Variants in ATRN observed in about 807,000 individuals in gnomAD.
ATRN encodes attractin-2.
Under a neutral mutation model 178.7 loss-of-function variants are expected in ATRN, and 54 were observed. That is an observed-to-expected ratio of 0.30 (90% confidence interval 0.24 to 0.38). The LOEUF is 0.38. Among genes scored for constraint, ATRN ranks in the 10% least tolerant of loss-of-function variants. The pLI is 1.00. For missense variants in ATRN, 1,443 were observed against 1,815.1 expected (o/e 0.79, Z 3.73); for synonymous variants, 636 against 663.0 (o/e 0.96, Z 0.63).
intron 1 of ATRN, among the ~76,000 whole-genome samples, chr20:3,483,647 C>G (rs1252899229): frequency 1.3e-5 from 2 of 152,090 alleles, no homozygotes; most frequent in Admixed American, 6.6e-5. Context: ...ATGCCCGGCC[C>G]AATTAGCATT....
In ATRN at chr20:3,572,761, TCTC is replaced by T. The variant is rs2086144615; in HGVS notation, c.1909_1911del (p.Leu637del). ...TGTATGTGTTCGGTGGTTTCAATAG[TCTC>T]CTCCTCAGCGACATCCTGGTATTCA... On this transcript the variant is annotated inframe_deletion, in exon 12 of 29. Coordinates refer to ENST00000262919, the MANE Select transcript of ATRN (RefSeq NM_139321.3). 1 of 1,614,042 alleles carries T rather than the reference TCTC, an allele frequency of 6.2e-7. No individual in the cohort carries two copies. Among genetic ancestry groups the T allele is most frequent in the Non-Finnish European group, 8.5e-7 (1 of 1,179,998 alleles).
chr20:3,528,600 G>A (rs1463203881), intron 1 of ATRN, among the ~76,000 whole-genome samples: 1 of 151,982 alleles, frequency 6.6e-6, no homozygotes, highest in African/African-American at 2.4e-5. Context: ...GTGGAGAGTG[G>A]GAGGAGAGTA....
At chr20:3,506,121 C>T (rs929500679) in intron 1 of ATRN, among the ~76,000 whole-genome samples, 1 of 151,972 alleles carries the variant, frequency 6.6e-6, no homozygotes, top group Non-Finnish European at 1.5e-5. Flanking sequence ...ACAGTAGAAA[C>T]CTGAATGCAG....
chr20:3,591,429 C>T lies in ATRN; in HGVS notation c.3322+123C>T, dbSNP rs137941542. The T allele has an allele frequency of 4.1e-3, 5,059 of 1,222,764 alleles. 12 individuals are homozygous for T. The highest frequency in any genetic ancestry group is 4.8e-3 in the Non-Finnish European group (4,254 of 878,080). 75.7% of individuals were successfully genotyped at this position (1,222,764 alleles called of 1,614,324 possible). A position where few individuals can be genotyped will look rare whatever the true frequency, so the allele number is the denominator to read the frequency against. ...TTGGATACCACATTTCTTATTAAAT[C>T]ATACTGGTCAGAAGCTCAGCTGAGC... On this transcript the variant is annotated intron_variant, in intron 19 of 28. Coordinates refer to ENST00000262919, the MANE Select transcript of ATRN (RefSeq NM_139321.3).
chr20:3,563,077 G>T, intron 9 of ATRN, 132 bp from the exon 10 acceptor site: 1 of 760,168 alleles, frequency 1.3e-6, no homozygotes, highest in Non-Finnish European at 2.0e-6. Context: ...TTACTTTTAT[G>T]TAGGGAAAAC....
chr20:3,646,721 A>C lies in ATRN; in HGVS notation c.4166-2A>C. The C allele has an allele frequency of 6.3e-7, 1 of 1,598,950 alleles. No individual in the cohort carries two copies. The highest frequency in any genetic ancestry group is 8.5e-7 in the Non-Finnish European group (1 of 1,172,034). ...ATATGTTCTCTCTGTGGTTCTCCCA[A>C]GGTCTTGCTGTGGCCAGCGCCCTGG... is the stretch of plus-strand genomic sequence containing the variant. On this transcript the variant is annotated splice_acceptor_variant, in intron 28 of 28. Transcript: ENST00000262919. LOFTEE classifies it high-confidence loss of function.
At chr20:3,573,552 C>T (rs1458348153) in intron 12 of ATRN, among the ~76,000 whole-genome samples, 1 of 151,868 alleles carries the variant, frequency 6.6e-6, no homozygotes, top group African/African-American at 2.4e-5. Flanking sequence ...TTTTGTCTAG[C>T]GTCTCTAGTT....
intron 1 of ATRN, among the ~76,000 whole-genome samples, chr20:3,525,481 G>A (rs1022129983): frequency 2.0e-5 from 3 of 152,160 alleles, no homozygotes; most frequent in Non-Finnish European, 4.4e-5. Context: ...ACAAAGAGGA[G>A]CTGGTACCAT....
At chr20:3,496,608 G>A (rs1279580552) in intron 1 of ATRN, among the ~76,000 whole-genome samples, 2 of 152,158 alleles carry the variant, frequency 1.3e-5, no homozygotes, top group Non-Finnish European at 2.9e-5. Context: ...GTGGTGTGGT[G>A]CTGGAAAAAA....
rs1434451941 is a variant in ATRN, at chr20:3,650,130, C to G, written c.*3283C>G. 1 of 152,228 alleles carries G rather than the reference C, an allele frequency of 6.6e-6. No individual in the cohort carries two copies. Among genetic ancestry groups the G allele is most frequent in the Admixed American group, 6.5e-5 (1 of 15,270 alleles). The allele number at this position is 152,228 out of a possible 1,614,324, so 9.4% of individuals were successfully genotyped here. A position where few individuals can be genotyped will look rare whatever the true frequency, so the allele number is the denominator to read the frequency against. On this transcript the variant is annotated 3_prime_UTR_variant, in exon 29 of 29. Coordinates refer to ENST00000262919, the MANE Select transcript of ATRN (RefSeq NM_139321.3). ...TCCTGCCATTCAAGACTGGAGACACCTGGGAAATAAAAAGAGCAGGGCACT... is the reference window on the plus strand; with the variant it reads ...TCCTGCCATTCAAGACTGGAGACACGTGGGAAATAAAAAGAGCAGGGCACT...
chr20:3,512,866 G>A (rs1305812413), intron 1 of ATRN, among the ~76,000 whole-genome samples: 1 of 152,196 alleles, frequency 6.6e-6, no homozygotes, highest in African/African-American at 2.4e-5. Context: ...CAGTGATGAT[G>A]AGCATTTTTT....
chr20:3,523,887 AG>A (rs1320242232), intron 1 of ATRN, among the ~76,000 whole-genome samples: 2 of 152,238 alleles, frequency 1.3e-5, no homozygotes, highest in Non-Finnish European at 2.9e-5. Context: ...TGTCATCACC[AG>A]GCCTGCCTTA....
At chr20:3,514,215 G>A (rs1463454789) in intron 1 of ATRN, among the ~76,000 whole-genome samples, 1 of 152,080 alleles carries the variant, frequency 6.6e-6, no homozygotes, top group Admixed American at 6.6e-5. Context: ...AGATGACATG[G>A]CAAATTTCTA....
In ATRN at chr20:3,650,581, A is replaced by G. The variant is rs2087139351; in HGVS notation, c.*3734A>G. 1 of 152,288 alleles carries G rather than the reference A, an allele frequency of 6.6e-6. No homozygotes were observed. Among genetic ancestry groups the G allele is most frequent in the Non-Finnish European group, 1.5e-5 (1 of 68,042 alleles). The allele number at this position is 152,288 out of a possible 1,614,324, so 9.4% of individuals were successfully genotyped here. A position where few individuals can be genotyped will look rare whatever the true frequency, so the allele number is the denominator to read the frequency against. On this transcript the variant is annotated 3_prime_UTR_variant, in exon 29 of 29. Coordinates refer to ENST00000262919, the MANE Select transcript of ATRN (RefSeq NM_139321.3). ...GGCTCCAGCCATTGCGGTGGTTTCT[A>G]GATAGCCAGGCCCACCAAGAGATAT...
chr20:3,528,096 C>T (rs976969403), intron 1 of ATRN, among the ~76,000 whole-genome samples: 7 of 151,982 alleles, frequency 4.6e-5, no homozygotes, highest in African/African-American at 1.4e-4. Context: ...GAAGGCCGGG[C>T]GTGGTGGCTC....
intron 1 of ATRN, among the ~76,000 whole-genome samples, chr20:3,532,478 C>A (rs1330929045): frequency 6.6e-6 from 1 of 152,176 alleles, no homozygotes; most frequent in Admixed American, 6.5e-5. Context: ...TGTGTTCAGG[C>A]TGTAGTACTT....
intron 2 of ATRN, 80 bp from the exon 3 acceptor site, chr20:3,540,142 A>G (rs1013844454): frequency 1.2e-6 from 1 of 809,884 alleles, no homozygotes; most frequent in Non-Finnish European, 1.9e-6. Context: ...TTATTAATTT[A>G]AAAATCTGAA....
chr20:3,483,328 TGTTACA>T (rs2084647005), intron 1 of ATRN, among the ~76,000 whole-genome samples: 2 of 152,224 alleles, frequency 1.3e-5, no homozygotes, highest in Admixed American at 1.3e-4. Flanking sequence ...CAACTTTTGC[TGTTACA>T]AATAGTACTA....
intron 15 of ATRN, among the ~76,000 whole-genome samples, chr20:3,580,932 G>A (rs960352778): frequency 1.3e-5 from 2 of 152,138 alleles, no homozygotes; most frequent in Non-Finnish European, 2.9e-5. Context: ...GTAGGCATGT[G>A]TATTTTTTCC....
Sources: allele counts gnomAD v4.1 joint callset (sites outside exome capture counted in the v4.1 genomes callset), GRCh38; gene constraint gnomAD v4.1.1; transcripts MANE v1.5; gene names NCBI Gene and HGNC (gene_info 2026-07-23, HGNC 2026-07-21).